The following NEK5 variants were observed in gnomAD, a reference collection of about 807,000 sequenced individuals.
NEK5 encodes the protein NIMA related kinase 5, also known as serine/threonine-protein kinase Nek5.
In NEK5, 88 loss-of-function variants were observed where a neutral mutation model predicts 109.2. That is an observed-to-expected ratio of 0.81 (90% confidence interval 0.68 to 0.96). The LOEUF (loss-of-function observed/expected upper bound fraction) is 0.96, where lower values mean the gene tolerates loss of function less well. NEK5 is among the 40% of genes least tolerant of loss of function. The probability of loss-of-function intolerance (pLI) is 0.00; values close to 1 mark genes in which losing one functional copy is unlikely to be tolerated. For synonymous variants in NEK5, 283 were observed against 299.9 expected (o/e 0.94, Z 0.58); for missense variants, 834 against 920.7 (o/e 0.91, Z 1.22).
rs78540234 is a variant in NEK5 at position 52,114,323 on chromosome 13, C to T, written c.215-1958G>A. On this transcript the variant is annotated intron_variant, in intron 4 of 23. Coordinates refer to ENST00000684899, the MANE Select transcript of NEK5 (RefSeq NM_001365552.1). ...GTTGATAACATTTTCCCCTGTAGTA[C>T]CCATTAAATGCCAAAATCTCTTGCC... Among the ~76,000 whole-genome samples the T allele has an allele frequency of 1.8e-4, 28 of 152,322 alleles. No individual in the cohort carries two copies. The East Asian group carries it at 3.1e-3, about 17-fold the overall frequency.
chr13:52,108,654 A>G (rs1329449246), intron 7 of NEK5, among the ~76,000 whole-genome samples: 1 of 152,230 alleles, frequency 6.6e-6, no homozygotes, highest in East Asian at 1.9e-4. Context: ...CTCCACAAAG[A>G]GATGAAATTG....
At chr13:52,054,600 C>G (rs1192647869) in intron 22 of NEK5, among the ~76,000 whole-genome samples, 1 of 152,260 alleles carries the variant, frequency 6.6e-6, no homozygotes, top group Non-Finnish European at 1.5e-5. Flanking sequence ...AGCTGGAGAT[C>G]TGAGAACAGG....
chr13:52,110,364 A>C lies in NEK5; in HGVS notation c.443T>G (p.Phe148Cys), dbSNP rs770149860. ...KNGMVAKLGD[F>C]GIARVLNNSM... ...CTTATTCAGGACTCTTGCTATACCA[A>C]AGTCCCCAAGCTTTGCCACCATTCC... is the stretch of plus-strand genomic sequence containing the variant. Residue 148 changes from phenylalanine to cysteine, a missense_variant, in exon 7 of 24, where the codon TTT becomes TGT. Physicochemically the swap from Phe to Cys is radical, Grantham distance 205 (BLOSUM62 -2). Around this residue, in one of 2 missense-constraint regions of NEK5, gnomAD observed 777 missense variants for 824.7 expected, o/e 0.94. Transcript: ENST00000684899. 5 of 1,612,586 alleles carry C rather than the reference A, an allele frequency of 3.1e-6. No individual in the cohort carries two copies. The highest frequency in any genetic ancestry group is 4.2e-6 in the Non-Finnish European group (5 of 1,178,764).
At chr13:52,112,199 GAC>G in intron 5 of NEK5, 67 bp downstream of exon 5, 1 of 801,332 alleles carries the variant, frequency 1.2e-6, no homozygotes, top group South Asian at 1.6e-5. Flanking sequence ...TACTACTTAT[GAC>G]ATTATAAATT....
intron 22 of NEK5, among the ~76,000 whole-genome samples, chr13:52,051,149 C>T (rs558721003): frequency 2.7e-5 from 4 of 148,792 alleles, no homozygotes; most frequent in East Asian, 2.0e-4. Context: ...AAGGCCTTTT[C>T]TGCTTTTTCT....
intron 4 of NEK5, among the ~76,000 whole-genome samples, chr13:52,118,344 T>A (rs1205730731): frequency 6.6e-6 from 1 of 152,172 alleles, no homozygotes; most frequent in Non-Finnish European, 1.5e-5. Context: ...CTGTCACAAC[T>A]TAAGACACAC....
At chr13:52,064,572 T>G (rs1954656596) in intron 21 of NEK5, among the ~76,000 whole-genome samples, 2 of 151,294 alleles carry the variant, frequency 1.3e-5, no homozygotes, top group Admixed American at 1.3e-4. Context: ...CCGCCCCTAC[T>G]GGGATGTGAG....
chr13:52,105,762 G>A (rs530707993), intron 8 of NEK5, among the ~76,000 whole-genome samples: 1 of 152,292 alleles, frequency 6.6e-6, no homozygotes, highest in Non-Finnish European at 1.5e-5. Context: ...GGACTGTGGT[G>A]AACCAGTCCT....
At chr13:52,080,496 T>C (rs919764847) in intron 17 of NEK5, among the ~76,000 whole-genome samples, 2 of 152,196 alleles carry the variant, frequency 1.3e-5, no homozygotes, top group African/African-American at 2.4e-5. Flanking sequence ...GGTTGCCGTG[T>C]CTGTGTAGAA....
chr13:52,037,378 A>G (rs1176895716), intron 23 of NEK5, among the ~76,000 whole-genome samples, 160 bp from the exon 24 acceptor site: 2 of 152,192 alleles, frequency 1.3e-5, no homozygotes, highest in Non-Finnish European at 2.9e-5. Flanking sequence ...TGTTGGGAGA[A>G]TCAGTCTTCT....
chr13:52,088,121 G>A (rs1955193572), intron 14 of NEK5, among the ~76,000 whole-genome samples: 1 of 150,728 alleles, frequency 6.6e-6, no homozygotes, highest in South Asian at 2.1e-4. Flanking sequence ...TAGAGATAAG[G>A]TCTCATTATG....
At chr13:52,111,100 T>C (rs1258200330) in intron 5 of NEK5, among the ~76,000 whole-genome samples, 1 of 152,198 alleles carries the variant, frequency 6.6e-6, no homozygotes, top group Non-Finnish European at 1.5e-5. Context: ...ATACTTTACC[T>C]TTGAAGTTTA....
chr13:52,051,413 G>C (rs924290563), intron 22 of NEK5, among the ~76,000 whole-genome samples: 5 of 152,186 alleles, frequency 3.3e-5, no homozygotes, highest in African/African-American at 1.2e-4. Context: ...GAAGAATGCA[G>C]AAAAGGTGCC....
chr13:52,045,401 G>A (rs374103519), intron 23 of NEK5, among the ~76,000 whole-genome samples: 10 of 149,978 alleles, frequency 6.7e-5, no homozygotes, highest in African/African-American at 1.5e-4. Context: ...AAGTGCTGCC[G>A]CGCCCGGCCA....
chr13:52,066,047 G>A (rs1593929896), intron 20 of NEK5, among the ~76,000 whole-genome samples: 1 of 151,716 alleles, frequency 6.6e-6, no homozygotes, highest in East Asian at 1.9e-4. Flanking sequence ...TCACTGTCCA[G>A]AGACTATAAT....
chr13:52,079,432 T>C (rs1208646142), intron 17 of NEK5, among the ~76,000 whole-genome samples: 4 of 152,134 alleles, frequency 2.6e-5, no homozygotes, highest in Non-Finnish European at 5.9e-5. Flanking sequence ...GCCGAGTGCC[T>C]GCGATTGCAG....
intron 17 of NEK5, among the ~76,000 whole-genome samples, chr13:52,077,461 G>C (rs1346965640): frequency 1.3e-5 from 2 of 152,182 alleles, no homozygotes; most frequent in Admixed American, 6.5e-5. Context: ...TGCAAGCCAT[G>C]GTGCGGGGAT....
At position 52,076,086 on chromosome 13, in the gene NEK5, G is replaced by A; in HGVS notation, c.1630C>T (p.Pro544Ser). 1 of 1,597,806 alleles carries A rather than the reference G, an allele frequency of 6.3e-7. No homozygotes were observed. The highest frequency in any genetic ancestry group is 8.6e-7 in the Non-Finnish European group (1 of 1,169,218). The change falls in exon 18 of 24, where the codon CCA becomes TCA. Residue 544 changes from proline (P) to serine (S), a missense_variant. This residue lies in a region of NEK5 where 777 missense variants were observed against 824.7 expected (regional missense o/e 0.94). Transcript: ENST00000684899. ...ACCTTAGCTTTATATTTCTGTTCTG[G>A]ATTTTTACTTTCCTTTGTGTTCTGA... is the stretch of plus-strand genomic sequence containing the variant. ...RLQNTKESKN[P>S]EQKYKAKKGV... is the part of the protein sequence containing the mutation.
Position 52,099,859 on chromosome 13 carries a change from C to T in NEK5, c.910G>A (p.Val304Met), listed in dbSNP as rs760867333. ...KVVQKCKIQK[V>M]RFQGKCPPRS... The stretch of plus-strand genomic sequence containing the variant: ...GGTGGGCACTTTCCCTGGAATCTCA[C>T]TTTTTGTATTTTACACTCTTAATTA... Residue 304 changes from valine (V) to methionine (M), a missense_variant, in exon 12 of 24, where the codon GTG becomes ATG. Around this residue, in one of 2 missense-constraint regions of NEK5, gnomAD observed 777 missense variants for 824.7 expected, o/e 0.94. Transcript: ENST00000684899. 16 of 1,613,480 alleles carry T rather than the reference C, an allele frequency of 9.9e-6. No homozygotes were observed. The highest frequency in any genetic ancestry group is 4.5e-5 in the East Asian group (2 of 44,870).
Sources: allele counts gnomAD v4.1 joint callset (sites outside exome capture counted in the v4.1 genomes callset), GRCh38; gene constraint gnomAD v4.1.1; regional missense constraint gnomAD v4.1.1; transcripts MANE v1.5; gene names NCBI Gene and HGNC (gene_info 2026-07-23, HGNC 2026-07-21).